VLDLR: variants seen among roughly 807,000 people sequenced by gnomAD.
VLDLR encodes the protein very low-density lipoprotein receptor.
VLDLR carries 81 observed loss-of-function variants against 112.7 expected under a neutral mutation model. That is an observed-to-expected ratio of 0.72 (90% CI 0.60 to 0.86). The LOEUF is 0.86. Ranked by LOEUF, VLDLR falls within the 40% of genes least tolerant of loss-of-function variation. The pLI is 0.00. For missense variants in VLDLR, 1,237 were observed against 1,099.4 expected (o/e 1.13, Z -1.77); for synonymous variants, 436 against 384.8 (o/e 1.13, Z -1.56).
intron 1 of VLDLR, among the ~76,000 whole-genome samples, chr9:2,630,071 G>T (rs1313411812): frequency 1.3e-5 from 2 of 152,184 alleles, no homozygotes; most frequent in African/African-American, 2.4e-5. Flanking sequence ...TGGGATTACA[G>T]GCATGAGCCA....
rs143015647 is a variant in VLDLR, at chr9:2,646,185, G to T, written c.1485-149G>T. Reference sequence around the variant, plus strand: ...ATTATTAATTTAGGATCAGTAAGCAGCATGGTTAAATAATTTGAGTGGTGA... The same window carrying T: ...ATTATTAATTTAGGATCAGTAAGCATCATGGTTAAATAATTTGAGTGGTGA... On this transcript the variant is annotated intron_variant, in intron 10 of 18. Transcript: ENST00000382100. 7.2e-4 allele frequency: 539 copies of T among 750,468 alleles called. 3 individuals carry two copies. The African/African-American group carries it at 8.2e-3, about 11-fold the overall frequency. The allele number at this position is 750,468 out of a possible 1,614,324, so 46.5% of individuals were successfully genotyped here. A position where few individuals can be genotyped will look rare whatever the true frequency, so the allele number is the denominator to read the frequency against.
intron 2 of VLDLR, among the ~76,000 whole-genome samples, chr9:2,637,109 T>G (rs1350523642): frequency 2.0e-5 from 3 of 152,210 alleles, no homozygotes; most frequent in Admixed American, 1.3e-4. Context: ...AGCCAAAATT[T>G]GTCTCTACTT....
intron 14 of VLDLR, 95 bp from the exon 15 acceptor site, chr9:2,650,275 G>A: frequency 7.2e-6 from 11 of 1,525,148 alleles, no homozygotes; most frequent in Non-Finnish European, 9.9e-6. Flanking sequence ...TAAGCTCTTG[G>A]GGGCAAGGAC....
In VLDLR at chr9:2,645,085, A is replaced by C; in HGVS notation, c.1312+3A>C. 2 of 1,614,170 alleles carry C rather than the reference A, an allele frequency of 1.2e-6. No homozygotes were observed. Among genetic ancestry groups the C allele is most frequent in the Non-Finnish European group, 1.7e-6 (2 of 1,180,026 alleles). On this transcript the variant is annotated splice_donor_region_variant and intron_variant, in intron 9 of 18. Transcript: ENST00000382100. ...TACTGGCGTGTGCAAGGCAGTAGGT[A>C]AATGAACTTGGACTGGTATGGCTGT... is the stretch of plus-strand genomic sequence containing the variant.
intron 1 of VLDLR, among the ~76,000 whole-genome samples, chr9:2,630,183 C>A (rs932389220): frequency 1.3e-5 from 2 of 152,156 alleles, no homozygotes; most frequent in African/African-American, 4.8e-5. Flanking sequence ...CCCTTAACAC[C>A]TGTTGTGGTA....
chr9:2,650,977 G>T (rs530478357), intron 15 of VLDLR, among the ~76,000 whole-genome samples: 11 of 152,208 alleles, frequency 7.2e-5, no homozygotes, highest in Non-Finnish European at 1.0e-4. Context: ...AAAGTCATTT[G>T]TGTGATCAAG....
Position 2,644,605 on chromosome 9 carries a change from T to C in VLDLR, c.1067-129T>C, listed in dbSNP as rs533071595. 4.3e-6 allele frequency: 5 copies of C among 1,153,668 alleles called. No homozygotes were observed. In the South Asian group the frequency reaches 6.9e-5, roughly 16 times the overall value. 71.5% of individuals were successfully genotyped at this position (1,153,668 alleles called of 1,614,324 possible). On this transcript the variant is annotated intron_variant, in intron 7 of 18. Transcript: ENST00000382100. ...AAATATATACCTATAAAATAAATGA[T>C]TAGGTCTTAGACAAATCGTGGGTTT...
Position 2,645,683 on chromosome 9 carries a change from C to T in VLDLR, c.1422C>T (p.Leu474=), listed in dbSNP as rs761735957. ...LVEQLRNTVA[L]DADIAAQKLF... ...AACAGCTAAGAAACACTGTGGCTCT[C>T]GATGCTGACATTGCTGCCCAGAAAC... The change falls in exon 10 of 19, where the codon CTC becomes CTT. Residue 474 remains leucine (L), a synonymous_variant. Transcript: ENST00000382100. 1.2e-5 allele frequency: 20 copies of T among 1,614,146 alleles called. 1 individual carries two copies. The South Asian group carries it at 1.4e-4, about 12-fold the overall frequency.
intron 11 of VLDLR, among the ~76,000 whole-genome samples, chr9:2,646,780 G>A (rs1818097616): frequency 6.6e-6 from 1 of 152,194 alleles, no homozygotes; most frequent in East Asian, 1.9e-4. Flanking sequence ...ATTGCTGGCT[G>A]ACATTAATGA....
Position 2,621,884 on chromosome 9 carries a change from T to G in VLDLR, c.-306T>G. On this transcript the variant is annotated 5_prime_UTR_variant, in exon 1 of 19. Coordinates refer to ENST00000382100, the MANE Select transcript of VLDLR (RefSeq NM_003383.5). ...TCTCGGCTCCCCACCCCCTCTCCCTTCCCTCCTCTCCCCTTGCCTCCCCTC... is the reference window on the plus strand; with the variant it reads ...TCTCGGCTCCCCACCCCCTCTCCCTGCCCTCCTCTCCCCTTGCCTCCCCTC... 1.7e-6 allele frequency: 1 copy of G among 597,928 alleles called. No homozygotes were observed. The highest frequency in any genetic ancestry group is 3.6e-5 in the East Asian group (1 of 27,854). 37.0% of individuals were successfully genotyped at this position (597,928 alleles called of 1,614,324 possible).
At chr9:2,622,660 G>A (rs574738419) in intron 1 of VLDLR, among the ~76,000 whole-genome samples, 1 of 152,234 alleles carries the variant, frequency 6.6e-6, no homozygotes, top group Admixed American at 6.5e-5. Flanking sequence ...AGAGGGCCAA[G>A]ACGTGTGCGG....
In VLDLR at chr9:2,653,897, T is replaced by C. The variant is rs764827843; in HGVS notation, c.*29T>C. 2 of 1,613,194 alleles carry C rather than the reference T, an allele frequency of 1.2e-6. No individual in the cohort carries two copies. The highest frequency in any genetic ancestry group is 3.3e-5 in the Admixed American group (2 of 59,984). ...CTGTGACAAATGTTGACCTTTGAGG[T>C]CTAAACAAATAATACCCCCGTCGGA... On this transcript the variant is annotated 3_prime_UTR_variant, in exon 19 of 19. Coordinates refer to ENST00000382100, the MANE Select transcript of VLDLR (RefSeq NM_003383.5).
In VLDLR at chr9:2,643,891, A is replaced by C. The variant is rs182992206; in HGVS notation, c.998A>C (p.Asp333Ala). ...AAGTGCAGAAGTGGAGAATGCATAG[A>C]TATCAGCAAAGTATGTAACCAGGAG... is the stretch of plus-strand genomic sequence containing the variant. Reference protein sequence around the residue: ...KFKCRSGECIDISKVCNQEQD... With the variant: ...KFKCRSGECIAISKVCNQEQD... The change falls in exon 7 of 19, where the codon GAT (aspartate) becomes GCT (alanine). Residue 333 changes from aspartate (D) to alanine (A), a missense_variant. Transcript: ENST00000382100. 4 of 1,614,172 alleles carry C rather than the reference A, an allele frequency of 2.5e-6. No homozygotes were observed. In the East Asian group the frequency reaches 8.9e-5, roughly 36 times the overall value.
Position 2,652,810 on chromosome 9 carries a change from A to C in VLDLR, c.2447A>C (p.Tyr816Ser). 1 of 1,614,142 alleles carries C rather than the reference A, an allele frequency of 6.2e-7. No individual in the cohort carries two copies. Among genetic ancestry groups the C allele is most frequent in the Non-Finnish European group, 8.5e-7 (1 of 1,179,992 alleles). ...TTAGTGATGGCAGCAGTAGGTGGCT[A>C]CTTGATGTGGCGGAATTGGCAACAC... Reference protein sequence around the residue: ...LLLVMAAVGGYLMWRNWQHKN... With the variant: ...LLLVMAAVGGSLMWRNWQHKN... Residue 816 changes from tyrosine (Y) to serine (S), a missense_variant, in exon 18 of 19, where the codon TAC (tyrosine) becomes TCC (serine). Physicochemically the swap from Tyr to Ser is moderately radical, Grantham distance 144. Transcript: ENST00000382100.
intron 18 of VLDLR, 139 bp downstream of exon 18, chr9:2,653,088 G>GTATAGCCTGT: frequency 9.0e-7 from 1 of 1,111,792 alleles, no homozygotes; most frequent in Non-Finnish European, 1.3e-6. Context: ...TAGACAGACA[G>GTATAGCCTGT]TATAGCCTGT....
chr9:2,627,868 A>T (rs1241531572), intron 1 of VLDLR, among the ~76,000 whole-genome samples: 1 of 151,686 alleles, frequency 6.6e-6, no homozygotes, highest in African/African-American at 2.4e-5. Flanking sequence ...CCATCTCAAA[A>T]AAAAAAAAAA....
chr9:2,641,311 GCA>G, intron 3 of VLDLR, 64 bp from the exon 4 acceptor site: 1 of 1,610,922 alleles, frequency 6.2e-7, no homozygotes, highest in East Asian at 2.2e-5. Context: ...CTTCCAGGCA[GCA>G]CAGGAGCAGC....
intron 10 of VLDLR, 106 bp downstream of exon 10, chr9:2,645,851 G>A: frequency 7.6e-7 from 1 of 1,313,718 alleles, no homozygotes; most frequent in Non-Finnish European, 1.1e-6. Context: ...GCCCCATCTA[G>A]CATCGAATTA....
chr9:2,646,635 A>T, intron 11 of VLDLR, 83 bp downstream of exon 11: 2 of 1,295,900 alleles, frequency 1.5e-6, no homozygotes, highest in Middle Eastern at 2.4e-4. Flanking sequence ...TTAGTACTCA[A>T]ATCTCAAGGT....
Sources: allele counts gnomAD v4.1 joint callset (sites outside exome capture counted in the v4.1 genomes callset), GRCh38; gene constraint gnomAD v4.1.1; transcripts MANE v1.5; gene names NCBI Gene and HGNC (gene_info 2026-07-23, HGNC 2026-07-21).